The following ARHGAP15 variants were observed in gnomAD, a reference collection of about 807,000 sequenced individuals.
ARHGAP15 encodes Rho GTPase activating protein 15.
Under a neutral mutation model 63.7 loss-of-function variants are expected in ARHGAP15, and 51 were observed. The observed-to-expected ratio is 0.80, with a 90% CI of 0.64 to 1.01. ARHGAP15 has a LOEUF of 1.01. ARHGAP15 is among the 50% of genes least tolerant of loss of function. ARHGAP15 has a pLI of 0.00. For missense variants in ARHGAP15, 560 were observed against 564.6 expected, an observed-to-expected ratio of 0.99 and a Z score of 0.08; for synonymous variants, 191 against 193.8, an observed-to-expected ratio of 0.99 and a Z score of 0.12.
chr2:143,451,511 T>G (rs180792366), intron 8 of ARHGAP15, among the ~76,000 whole-genome samples: 18 of 152,004 alleles, frequency 1.2e-4, no homozygotes, highest in Non-Finnish European at 1.5e-4. Flanking sequence ...AATCCCAGGA[T>G]AGTTTCACAG....
chr2:143,459,926 C>A (rs1475384553), intron 8 of ARHGAP15, among the ~76,000 whole-genome samples: 2 of 152,064 alleles, frequency 1.3e-5, no homozygotes, highest in Non-Finnish European at 2.9e-5. Context: ...GAGAGGGATA[C>A]AAAACTTGTT....
chr2:143,206,164 G>T (rs1471960065), intron 3 of ARHGAP15, among the ~76,000 whole-genome samples: 1 of 152,018 alleles, frequency 6.6e-6, no homozygotes, highest in Non-Finnish European at 1.5e-5. Context: ...ATGTTCATGT[G>T]TTGTTTTGTG....
At chr2:143,589,486 G>A (rs780601673) in intron 11 of ARHGAP15, among the ~76,000 whole-genome samples, 19 of 152,180 alleles carry the variant, frequency 1.2e-4, no homozygotes, top group Middle Eastern at 3.2e-3. Flanking sequence ...AGTTGTTCTG[G>A]TAAGGAAACT....
intron 6 of ARHGAP15, among the ~76,000 whole-genome samples, chr2:143,373,061 AAG>A (rs1487322475): frequency 2.9e-5 from 3 of 104,970 alleles, no homozygotes; most frequent in African/African-American, 1.6e-4. Context: ...GAGACAGATA[AAG>A]AGAAAATAGC....
At chr2:143,198,298 C>A (rs976741727) in intron 2 of ARHGAP15, among the ~76,000 whole-genome samples, 3 of 151,802 alleles carry the variant, frequency 2.0e-5, no homozygotes, top group African/African-American at 7.3e-5. Context: ...TTATTTGTAC[C>A]ATGGACTCAA....
intron 9 of ARHGAP15, among the ~76,000 whole-genome samples, chr2:143,500,689 A>C (rs1201069368): frequency 6.6e-6 from 1 of 152,166 alleles, no homozygotes; most frequent in African/African-American, 2.4e-5. Context: ...CACATCTTAA[A>C]ATTGCAGACT....
At chr2:143,287,852 GTC>G (rs569601663) in intron 6 of ARHGAP15, among the ~76,000 whole-genome samples, 149 of 152,198 alleles carry the variant, frequency 9.8e-4, no homozygotes, top group Non-Finnish European at 1.6e-4. Flanking sequence ...TGCTCTGTGG[GTC>G]TCTCCAGGGG....
At chr2:143,682,945 T>A (rs1420163790) in intron 12 of ARHGAP15, 2 of 152,208 alleles carry the variant, frequency 1.3e-5, no homozygotes, top group Admixed American at 1.3e-4. Context: ...TGCAACTGAA[T>A]ACATTCCCGG....
chr2:143,491,712 A>T (rs1159566097), intron 9 of ARHGAP15, among the ~76,000 whole-genome samples: 1 of 152,112 alleles, frequency 6.6e-6, no homozygotes, highest in Non-Finnish European at 1.5e-5. Flanking sequence ...CCATACCTAC[A>T]TCCTTCTTAT....
rs1248619784 is a variant in ARHGAP15 at position 143,202,156 on chromosome 2, A to T, written c.188A>T (p.His63Leu). 2 of 1,612,194 alleles carry T rather than the reference A, an allele frequency of 1.2e-6. No homozygotes were observed. Among genetic ancestry groups the T allele is most frequent in the Admixed American group, 1.7e-5 (1 of 59,864 alleles). Residue 63 changes from histidine to leucine, a missense_variant, in exon 3 of 14, where the codon CAT becomes CTT. His to Leu is a moderately conservative substitution (Grantham distance 99). Coordinates refer to ENST00000295095, the MANE Select transcript of ARHGAP15 (RefSeq NM_018460.4). Reference protein sequence around the residue: ...TEPISRHRRNHSQHILKDVIP... With the variant: ...TEPISRHRRNLSQHILKDVIP... ...CAGATATCCAGACACAGAAGGAATC[A>T]TTCACAGCATATCTTGAAAGATGTC...
At chr2:143,167,674 C>T (rs1690600773) in intron 2 of ARHGAP15, among the ~76,000 whole-genome samples, 1 of 152,042 alleles carries the variant, frequency 6.6e-6, no homozygotes, top group Non-Finnish European at 1.5e-5. Context: ...GCTTCAGAGG[C>T]CTGTTTCAGA....
Position 143,690,446 on chromosome 2 carries a change from A to G in ARHGAP15, c.1139-12973A>G, listed in dbSNP as rs562023712. 4.6e-4 allele frequency among the ~76,000 whole-genome samples: 70 copies of G among 152,306 alleles called. 1 individual carries two copies. The highest frequency in any genetic ancestry group is 3.9e-3 in the South Asian group (19 of 4,828). On this transcript the variant is annotated intron_variant, in intron 12 of 13. Transcript: ENST00000295095. ...CTTCCTTGGGGTGTGACCTCTGCCTATGGCTACTTCTTTACAGTTGCTGTT... is the reference window on the plus strand; with the variant it reads ...CTTCCTTGGGGTGTGACCTCTGCCTGTGGCTACTTCTTTACAGTTGCTGTT...
intron 6 of ARHGAP15, among the ~76,000 whole-genome samples, chr2:143,421,103 T>C (rs1326441936): frequency 6.6e-6 from 1 of 152,182 alleles, no homozygotes; most frequent in African/African-American, 2.4e-5. Flanking sequence ...GTGAGGTATC[T>C]CAGATGTATT....
At chr2:143,616,552 A>G (rs1461868080) in intron 11 of ARHGAP15, among the ~76,000 whole-genome samples, 1 of 152,208 alleles carries the variant, frequency 6.6e-6, no homozygotes, top group Non-Finnish European at 1.5e-5. Context: ...AAAGTAGCCC[A>G]TTAGATGTTC....
At chr2:143,162,383 T>C (rs1405271344) in intron 2 of ARHGAP15, 1 of 151,984 alleles carries the variant, frequency 6.6e-6, no homozygotes, top group East Asian at 1.9e-4. Flanking sequence ...CTGTAGTTCA[T>C]GTACAGAGAC....
intron 6 of ARHGAP15, among the ~76,000 whole-genome samples, chr2:143,262,788 T>C (rs1680794846): frequency 1.3e-5 from 2 of 152,156 alleles, no homozygotes; most frequent in Admixed American, 6.5e-5. Flanking sequence ...ATAGTTACCA[T>C]GCAGTGGTCA....
At chr2:143,292,319 G>A (rs941126975) in intron 6 of ARHGAP15, among the ~76,000 whole-genome samples, 3 of 152,032 alleles carry the variant, frequency 2.0e-5, no homozygotes, top group African/African-American at 7.2e-5. Context: ...ATTTACAAAT[G>A]TATTTTCTCA....
At chr2:143,526,336 G>A (rs985435320) in intron 10 of ARHGAP15, among the ~76,000 whole-genome samples, 2 of 152,058 alleles carry the variant, frequency 1.3e-5, no homozygotes, top group African/African-American at 4.8e-5. Context: ...AATCCACAAT[G>A]CATCAGAATA....
At chr2:143,228,333 A>C (rs1693299215) in intron 4 of ARHGAP15, among the ~76,000 whole-genome samples, 1 of 152,154 alleles carries the variant, frequency 6.6e-6, no homozygotes, top group Non-Finnish European at 1.5e-5. Context: ...TAGTTGAAAA[A>C]GATATTAGGA....
Sources: gnomAD v4.1 joint callset for allele counts (sites outside exome capture counted in the v4.1 genomes callset) on GRCh38, gnomAD v4.1.1 for gene constraint, MANE v1.5 for transcripts, NCBI Gene and HGNC (gene_info 2026-07-23, HGNC 2026-07-21) for gene names.